The following SPON1 variants were observed in gnomAD, a reference collection of about 807,000 sequenced individuals.
SPON1 encodes the protein spondin-1.
A neutral mutation model predicts 111.7 loss-of-function variants in SPON1; 52 were observed. The ratio of observed to expected loss-of-function variants is 0.47; its 90% CI spans 0.37 to 0.59. The LOEUF (loss-of-function observed/expected upper bound fraction) is 0.59, where lower values mean the gene tolerates loss of function less well. Among genes scored for constraint, SPON1 ranks in the 20% least tolerant of loss-of-function variants. The pLI, the probability that SPON1 is intolerant of heterozygous loss-of-function variation, is 0.00. For missense variants in SPON1, 957 were observed against 1,068.5 expected, an observed-to-expected ratio of 0.90 and a Z score of 1.46; for synonymous variants, 410 against 395.8, an observed-to-expected ratio of 1.04 and a Z score of -0.43.
intron 6 of SPON1, among the ~76,000 whole-genome samples, chr11:14,179,513 T>G (rs1848215349): frequency 6.6e-6 from 1 of 152,080 alleles, no homozygotes; most frequent in African/African-American, 2.4e-5. Context: ...CTGTCCTGCC[T>G]TGAGATAGGG....
At chr11:14,260,270 A>G (rs894657320) in intron 13 of SPON1, among the ~76,000 whole-genome samples, 2 of 152,212 alleles carry the variant, frequency 1.3e-5, no homozygotes, top group African/African-American at 4.8e-5. Flanking sequence ...TGAGTGTGGG[A>G]TGTTTCTGTC....
chr11:13,994,982 T>C (rs7951211), intron 2 of SPON1, among the ~76,000 whole-genome samples: 3,644 of 152,334 alleles, frequency 0.024, 134 homozygotes, highest in African/African-American at 0.082. Flanking sequence ...CTTTCTTTCA[T>C]TCATTTGTTC....
chr11:14,029,627 C>G (rs1158591496), intron 2 of SPON1, among the ~76,000 whole-genome samples: 4 of 152,162 alleles, frequency 2.6e-5, no homozygotes, highest in African/African-American at 4.8e-5. Context: ...GGCTCCTCCC[C>G]ACTGAACTTC....
intron 2 of SPON1, among the ~76,000 whole-genome samples, chr11:14,022,393 T>A (rs543414002): frequency 8.5e-5 from 13 of 152,346 alleles, no homozygotes; most frequent in Non-Finnish European, 1.5e-4. Flanking sequence ...TAGTCATTAC[T>A]TACTCATACA....
intron 6 of SPON1, among the ~76,000 whole-genome samples, chr11:14,240,589 TTGTG>T (rs56265194): frequency 0.033 from 4,686 of 140,292 alleles, 88 homozygotes; most frequent in African/African-American, 0.064. Flanking sequence ...AGAAGCAATA[TTGTG>T]TGTGTGTGTG....
chr11:14,065,806 CA>C (rs1848828264), intron 3 of SPON1, among the ~76,000 whole-genome samples: 2 of 152,316 alleles, frequency 1.3e-5, no homozygotes, highest in South Asian at 4.1e-4. Flanking sequence ...GCACATCAAA[CA>C]AAATTTCATC....
chr11:14,254,435 C>T (rs1849084709), intron 7 of SPON1, 93 bp from the exon 8 acceptor site: 1 of 1,137,486 alleles, frequency 8.8e-7, no homozygotes, highest in South Asian at 1.6e-5. Context: ...TACTCTCTGT[C>T]CCTCTCATTC....
At chr11:14,077,696 G>C (rs1174369908) in intron 4 of SPON1, among the ~76,000 whole-genome samples, 1 of 151,978 alleles carries the variant, frequency 6.6e-6, no homozygotes, top group Non-Finnish European at 1.5e-5. Context: ...TGTTGGCCAG[G>C]CTGGTCTCGA....
At chr11:14,190,879 T>G (rs1848339988) in intron 6 of SPON1, among the ~76,000 whole-genome samples, 1 of 152,002 alleles carries the variant, frequency 6.6e-6, no homozygotes, top group African/African-American at 2.4e-5. Context: ...GACCTCATGA[T>G]CTACCCACCT....
Position 14,256,678 on chromosome 11 carries a change from A to G in SPON1, c.1295A>G (p.Glu432Gly). Reference sequence around the variant, plus strand: ...GATATTGTAGCTGACCTGGCTCCAGAAGAGAAAGATGAAGGTACGTTGTTT... The same window carrying G: ...GATATTGTAGCTGACCTGGCTCCAGGAGAGAAAGATGAAGGTACGTTGTTT... ...VDDIVADLAP[E>G]EKDEDDTPET... The change falls in exon 10 of 16, where the codon GAA becomes GGA. Residue 432 changes from glutamate to glycine, a missense_variant. Physicochemically the swap from Glu to Gly is moderately conservative, Grantham distance 98 (BLOSUM62 -2). Around this residue, in one of 5 missense-constraint regions of SPON1, gnomAD observed 549 missense variants for 606.2 expected, o/e 0.91. Coordinates refer to ENST00000576479, the MANE Select transcript of SPON1 (RefSeq NM_006108.4). 1 of 1,613,678 alleles carries G rather than the reference A, an allele frequency of 6.2e-7. No individual in the cohort carries two copies. The highest frequency in any genetic ancestry group is 8.5e-7 in the Non-Finnish European group (1 of 1,179,660).
chr11:14,227,254 C>T lies in SPON1; in HGVS notation c.826-16078C>T, dbSNP rs535391232. Among the ~76,000 whole-genome samples the T allele has an allele frequency of 7.9e-5, 12 of 152,222 alleles. No individual in the cohort carries two copies. In the East Asian group the frequency reaches 2.1e-3, roughly 27 times the overall value. On this transcript the variant is annotated intron_variant, in intron 6 of 15. Transcript: ENST00000576479. ...CTCAATCTCCTGGCCTCAAGTGATC[C>T]ATCTACTCAGCCTCCCAAATAGCAG...
intron 5 of SPON1, among the ~76,000 whole-genome samples, chr11:14,091,701 G>A (rs1462148821): frequency 1.3e-5 from 2 of 152,068 alleles, no homozygotes; most frequent in Non-Finnish European, 2.9e-5. Flanking sequence ...GTTCTCGCTC[G>A]CACCTTTCCC....
chr11:13,971,667 T>C (rs1848064325), intron 1 of SPON1, among the ~76,000 whole-genome samples: 2 of 152,108 alleles, frequency 1.3e-5, no homozygotes. Context: ...CCTTTTCCTA[T>C]GAGCATGCTT....
In SPON1 at chr11:14,054,955, T is replaced by C. The variant is rs1338691443; in HGVS notation, c.479+13301T>C. 2.0e-5 allele frequency among the ~76,000 whole-genome samples: 3 copies of C among 152,238 alleles called. No individual in the cohort carries two copies. The Middle Eastern group carries it at 9.5e-3, about 482-fold the overall frequency. On this transcript the variant is annotated intron_variant, in intron 3 of 15. Coordinates refer to ENST00000576479, the MANE Select transcript of SPON1 (RefSeq NM_006108.4). ...GAAATCTGATGAGTCAGTATGTACT[T>C]GATCGGGCCCACTGTTCCAGTCCAC...
At chr11:14,197,488 A>AAAATAAATAAATAAATAAAT (rs10642040) in intron 6 of SPON1, among the ~76,000 whole-genome samples, 12 of 145,050 alleles carry the variant, frequency 8.3e-5, no homozygotes, top group African/African-American at 2.5e-4. Context: ...GTCCTCTTTA[A>AAAATAAATAAATAAATAAAT]AAATAAATAA....
intron 5 of SPON1, among the ~76,000 whole-genome samples, chr11:14,089,947 T>C (rs1554923091): frequency 6.6e-6 from 1 of 152,094 alleles, no homozygotes; most frequent in Non-Finnish European, 1.5e-5. Context: ...CTTAGCACTG[T>C]CGGGGAAAAC....
chr11:14,128,689 G>T (rs187288056), intron 5 of SPON1, among the ~76,000 whole-genome samples: 1 of 152,326 alleles, frequency 6.6e-6, no homozygotes, highest in African/African-American at 2.4e-5. Context: ...TGAGTCTTCA[G>T]CCCCACATTT....
At chr11:14,000,132 T>C (rs1440676077) in intron 2 of SPON1, among the ~76,000 whole-genome samples, 1 of 152,204 alleles carries the variant, frequency 6.6e-6, no homozygotes, top group African/African-American at 2.4e-5. Context: ...GGTTGATCAC[T>C]GTCTTCACAG....
intron 6 of SPON1, among the ~76,000 whole-genome samples, chr11:14,230,145 TTAAA>T (rs1305800793): frequency 5.9e-5 from 9 of 152,176 alleles, no homozygotes; most frequent in African/African-American, 2.2e-4. Context: ...TACTTTGCAT[TTAAA>T]TAGCCGCATT....
Sources: gnomAD v4.1 joint callset for allele counts (sites outside exome capture counted in the v4.1 genomes callset) on GRCh38, gnomAD v4.1.1 for gene constraint, gnomAD v4.1.1 regional missense constraint, MANE v1.5 for transcripts, NCBI Gene and HGNC (gene_info 2026-07-23, HGNC 2026-07-21) for gene names.